Variants in GRM5 observed in about 807,000 individuals in gnomAD.
GRM5 encodes glutamate metabotropic receptor 5.
GRM5 carries 19 observed loss-of-function variants against 83.1 expected under a neutral mutation model. The observed-to-expected ratio is 0.23, with a 90% CI of 0.16 to 0.34. The LOEUF is 0.34. GRM5 is among the 10% of genes least tolerant of loss of function. The pLI, the probability that GRM5 is intolerant of heterozygous loss-of-function variation, is 1.00. For synonymous variants in GRM5, 675 were observed against 633.6 expected (o/e 1.07, Z -0.98); for missense variants, 1,160 against 1,588.3 (o/e 0.73, Z 4.58).
At chr11:89,019,556 T>A (rs944963346) in intron 2 of GRM5, among the ~76,000 whole-genome samples, 13 of 146,648 alleles carry the variant, frequency 8.9e-5, no homozygotes, top group Admixed American at 4.7e-4. Context: ...AAAAAAAAAA[T>A]TAGCTGGTCG....
chr11:88,508,922 G>T lies in GRM5; in HGVS notation c.3309C>A (p.Ile1103=). Residue 1103 remains isoleucine (I), a synonymous_variant, in exon 10 of 10, where the codon ATC becomes ATA. Coordinates refer to ENST00000305447, the MANE Select transcript of GRM5 (RefSeq NM_001143831.3). This position sits in a 1 kb window ranked among gnomAD's most constrained non-coding sequence, Gnocchi z 4.2. The part of the protein sequence containing the change: ...LCSSYLIPKE[I]QLPTTMTTFA... ...AGGTCGTCATGGTCGTGGGCAACTG[G>T]ATCTCTTTGGGGATCAGGTAGGACG... is the stretch of plus-strand genomic sequence containing the variant. The T allele has an allele frequency of 1.2e-6, 2 of 1,601,216 alleles. No individual in the cohort carries two copies. The highest frequency in any genetic ancestry group is 4.5e-5 in the East Asian group (2 of 44,320).
At chr11:88,695,302 T>G (rs1412689173) in intron 3 of GRM5, among the ~76,000 whole-genome samples, 1 of 152,194 alleles carries the variant, frequency 6.6e-6, no homozygotes, top group Non-Finnish European at 1.5e-5. Flanking sequence ...AAAAAAAGAT[T>G]GCTTGATCAT....
chr11:88,981,456 C>T (rs1421316511), intron 2 of GRM5, among the ~76,000 whole-genome samples: 3 of 152,022 alleles, frequency 2.0e-5, no homozygotes, highest in East Asian at 1.9e-4. Context: ...CACATGGAAG[C>T]TTAATCTAGT....
At chr11:88,577,562 T>G (rs1313679854) in intron 7 of GRM5, among the ~76,000 whole-genome samples, 1 of 152,172 alleles carries the variant, frequency 6.6e-6, no homozygotes, top group African/African-American at 2.4e-5. Context: ...TCTGTGACTT[T>G]ACTCTGCTAG....
At chr11:88,864,734 G>C (rs574201816) in intron 2 of GRM5, among the ~76,000 whole-genome samples, 3 of 151,992 alleles carry the variant, frequency 2.0e-5, no homozygotes, top group Admixed American at 1.3e-4. Flanking sequence ...GGGCATCCTT[G>C]TCTTGTGCAG....
rs968892145 is a variant in GRM5, at chr11:88,879,057, G to A, written c.662-28902C>T. On this transcript the variant is annotated intron_variant, in intron 2 of 9. Transcript: ENST00000305447. ...TAAAGAGAGAATTTTTTCAAAAAGT[G>A]GATTTTGTTGTATATAAATTTAGAT... is the stretch of plus-strand genomic sequence containing the variant. Among the ~76,000 whole-genome samples the A allele has an allele frequency of 2.0e-5, 3 of 151,988 alleles. No homozygotes were observed. The East Asian group carries it at 5.8e-4, about 29-fold the overall frequency.
intron 3 of GRM5, among the ~76,000 whole-genome samples, chr11:88,820,372 C>A (rs1273010107): frequency 2.5e-5 from 1 of 39,536 alleles, no homozygotes. Flanking sequence ...AAAACTCCAT[C>A]TCAAAAAAAA....
At position 88,505,759 on chromosome 11, in the gene GRM5, C is replaced by T. The variant is rs191376963; in HGVS notation, c.*2833G>A. 7.2e-5 allele frequency: 11 copies of T among 152,328 alleles called. No homozygotes were observed. Among genetic ancestry groups the T allele is most frequent in the African/African-American group, 2.2e-4 (9 of 41,572 alleles). 9.4% of individuals were successfully genotyped at this position (152,328 alleles called of 1,614,324 possible). ...CTCATTTAGGGTCACTTTGCTGAGC[C>T]TTAGCATATCCCCTTCCTTTTAGTC... On this transcript the variant is annotated 3_prime_UTR_variant, in exon 10 of 10. Transcript: ENST00000305447.
intron 3 of GRM5, among the ~76,000 whole-genome samples, chr11:88,663,725 G>T (rs76064135): frequency 1.8e-4 from 28 of 152,228 alleles, no homozygotes; most frequent in African/African-American, 6.7e-4. Flanking sequence ...ACATGACTGT[G>T]CTGGGATAAC....
intron 2 of GRM5, among the ~76,000 whole-genome samples, chr11:88,936,285 T>A (rs1221414351): frequency 6.6e-6 from 1 of 151,878 alleles, no homozygotes; most frequent in East Asian, 1.9e-4. Context: ...AATAAAGGCC[T>A]AGAATTGGCA....
intron 2 of GRM5, among the ~76,000 whole-genome samples, chr11:88,866,126 C>T (rs1944659543): frequency 6.6e-6 from 1 of 151,988 alleles, no homozygotes; most frequent in African/African-American, 2.4e-5. Flanking sequence ...CAGCACTATT[C>T]ACAATATCAA....
intron 3 of GRM5, among the ~76,000 whole-genome samples, chr11:88,778,399 T>C (rs1367314015): frequency 6.6e-6 from 1 of 152,198 alleles, no homozygotes; most frequent in African/African-American, 2.4e-5. Flanking sequence ...CCCCAACCCC[T>C]TGCGCTTCCC....
chr11:88,704,281 C>T (rs551534312), intron 3 of GRM5, among the ~76,000 whole-genome samples: 3 of 151,984 alleles, frequency 2.0e-5, no homozygotes, highest in Non-Finnish European at 4.4e-5. Context: ...CATAGCAGTA[C>T]CTATTTTAAG....
chr11:88,859,425 T>C (rs1396259236), intron 2 of GRM5, among the ~76,000 whole-genome samples: 1 of 152,108 alleles, frequency 6.6e-6, no homozygotes, highest in Non-Finnish European at 1.5e-5. Flanking sequence ...AACATTTATC[T>C]AGATCCTGTA....
At chr11:88,749,470 G>A (rs1947756) in intron 3 of GRM5, among the ~76,000 whole-genome samples, 70,153 of 151,988 alleles carry the variant, frequency 0.46, 18,472 homozygotes, top group South Asian at 0.77. Flanking sequence ...TGACAGATTG[G>A]GGTACCAAAA....
At chr11:88,860,221 CT>C (rs1833253731) in intron 2 of GRM5, among the ~76,000 whole-genome samples, 1 of 151,598 alleles carries the variant, frequency 6.6e-6, no homozygotes, top group Non-Finnish European at 1.5e-5. Context: ...CATTTTTTTC[CT>C]CTGGCTATTC....
intron 3 of GRM5, among the ~76,000 whole-genome samples, chr11:88,836,392 T>C (rs988694706): frequency 5.3e-5 from 8 of 152,334 alleles, no homozygotes; most frequent in East Asian, 1.9e-4. Context: ...ACAATGCCTG[T>C]CAACAAATAG....
intron 4 of GRM5, among the ~76,000 whole-genome samples, chr11:88,630,632 G>A (rs1173696589): frequency 3.3e-5 from 5 of 151,762 alleles, no homozygotes; most frequent in Non-Finnish European, 7.4e-5. Flanking sequence ...AGGCTGGAGT[G>A]CAATGGTGCG....
chr11:88,594,563 C>T (rs6483272), intron 6 of GRM5, among the ~76,000 whole-genome samples: 4,208 of 152,274 alleles, frequency 0.028, 181 homozygotes, highest in African/African-American at 0.097. Flanking sequence ...CCAGCTGTTG[C>T]TGTATACCAT....
Sources: gnomAD v4.1 joint callset for allele counts (sites outside exome capture counted in the v4.1 genomes callset) on GRCh38, gnomAD v4.1.1 for gene constraint, Gnocchi (gnomAD v3.1) non-coding constraint, MANE v1.5 for transcripts, NCBI Gene and HGNC (gene_info 2026-07-23, HGNC 2026-07-21) for gene names.